Variants in MGA observed in about 807,000 individuals in gnomAD.
The protein encoded by MGA is MAX dimerization protein MGA.
In MGA, 40 loss-of-function variants were observed where a neutral mutation model predicts 261.1. The ratio of observed to expected loss-of-function variants is 0.15; its 90% CI spans 0.12 to 0.20. The LOEUF (loss-of-function observed/expected upper bound fraction) is 0.20. Among genes scored for constraint, MGA ranks in the 10% least tolerant of loss-of-function variants. MGA has a pLI of 1.00. For missense variants in MGA, 3,397 were observed against 3,630.5 expected, an observed-to-expected ratio of 0.94 and a Z score of 1.65; for synonymous variants, 1,302 against 1,290.6, an observed-to-expected ratio of 1.01 and a Z score of -0.19.
intron 1 of MGA, among the ~76,000 whole-genome samples, chr15:41,661,283 T>C (rs919011911): frequency 2.0e-5 from 3 of 152,108 alleles, no homozygotes; most frequent in African/African-American, 7.2e-5. Flanking sequence ...TTCTGTTAAA[T>C]GGTCAAGTAG....
rs1555419079 is a variant in MGA, at chr15:41,703,371, C to CCG, written c.2188+4213_2188+4214insGC. ...TCAGTTTATTCATTGTGAAGTTACC[C>CCG]CCCCCCCCACTCCCCACCCTCCCTT... On this transcript the variant is annotated intron_variant, in intron 5 of 23. Coordinates refer to ENST00000219905, the MANE Select transcript of MGA (RefSeq NM_001164273.2). 6.0e-5 allele frequency among the ~76,000 whole-genome samples: 8 copies of CCG among 134,018 alleles called. 1 individual carries two copies. Among genetic ancestry groups the CCG allele is most frequent in the African/African-American group, 1.1e-4 (4 of 37,436 alleles). The allele number at this position is 134,018 out of a possible 152,430, so 87.9% of individuals were successfully genotyped here. A position where few individuals can be genotyped will look rare whatever the true frequency, so the allele number is the denominator to read the frequency against.
chr15:41,762,901 A>G (rs915364291), intron 22 of MGA, among the ~76,000 whole-genome samples: 1 of 152,150 alleles, frequency 6.6e-6, no homozygotes, highest in African/African-American at 2.4e-5. Context: ...TCCTGGTAGC[A>G]TATTAGTCTA....
chr15:41,625,862 A>G (rs957254553), intron 1 of MGA, among the ~76,000 whole-genome samples: 2 of 152,318 alleles, frequency 1.3e-5, no homozygotes, highest in Middle Eastern at 3.4e-3. Flanking sequence ...ATGTGATCAC[A>G]TTTTTGTAGA....
intron 1 of MGA, among the ~76,000 whole-genome samples, chr15:41,654,142 T>C (rs2057120864): frequency 6.6e-6 from 1 of 152,206 alleles, no homozygotes; most frequent in African/African-American, 2.4e-5. Context: ...TGACTTATAC[T>C]CCATCACAGT....
Position 41,742,954 on chromosome 15 carries a change from G to C in MGA, c.4994G>C (p.Gly1665Ala). ...ACTGTGAACCTTACCAAAACCACTGGGATAACTACCCCTGTGGCTTCAGTT... is the reference window on the plus strand; with the variant it reads ...ACTGTGAACCTTACCAAAACCACTGCGATAACTACCCCTGTGGCTTCAGTT... Residue 1665 changes from glycine (G) to alanine (A), a missense_variant, in exon 15 of 24, where the codon GGG becomes GCG. By Grantham distance (60) the Gly-to-Ala change is moderately conservative. Around this residue, in one of 9 missense-constraint regions of MGA, gnomAD observed 1,410 missense variants for 1,386.4 expected, o/e 1.02. Coordinates refer to ENST00000219905, the MANE Select transcript of MGA (RefSeq NM_001164273.2). The C allele has an allele frequency of 6.2e-7, 1 of 1,613,908 alleles. No homozygotes were observed. Among genetic ancestry groups the C allele is most frequent in the Non-Finnish European group, 8.5e-7 (1 of 1,179,870 alleles).
chr15:41,687,769 C>G (rs1163981517), intron 2 of MGA, among the ~76,000 whole-genome samples: 1 of 152,062 alleles, frequency 6.6e-6, no homozygotes. Flanking sequence ...TTCATGTATA[C>G]TTGAAAAGGA....
chr15:41,689,099 A>G (rs1235962880), intron 2 of MGA, among the ~76,000 whole-genome samples: 1 of 152,218 alleles, frequency 6.6e-6, no homozygotes, highest in African/African-American at 2.4e-5. Flanking sequence ...TAGCAGTGTT[A>G]TATGGATTAC....
chr15:41,765,987 T>A lies in MGA; in HGVS notation c.7922-17T>A. On this transcript the variant is annotated splice_polypyrimidine_tract_variant and intron_variant, in intron 23 of 23. Transcript: ENST00000219905. ...AGATCTAAATGAATTTTTCTTTTTT[T>A]AATTTTTGTTTTTCAGAAAATGACG... is the stretch of plus-strand genomic sequence containing the variant. The A allele has an allele frequency of 6.3e-7, 1 of 1,595,264 alleles. No individual in the cohort carries two copies. Among genetic ancestry groups the A allele is most frequent in the Non-Finnish European group, 8.5e-7 (1 of 1,171,070 alleles).
chr15:41,756,515 T>TA (rs2063157238), intron 18 of MGA, among the ~76,000 whole-genome samples: 1 of 152,194 alleles, frequency 6.6e-6, no homozygotes, highest in South Asian at 2.1e-4. Flanking sequence ...AAGGTGTGCA[T>TA]ATCTTTCCTC....
At chr15:41,711,702 T>C (rs531601907) in intron 8 of MGA, among the ~76,000 whole-genome samples, 1 of 152,284 alleles carries the variant, frequency 6.6e-6, no homozygotes, top group South Asian at 2.1e-4. Flanking sequence ...GTGCTTTTAT[T>C]TTTTATTTTT....
rs1464605226 is a variant in MGA, at chr15:41,748,932, A to G, written c.5503+5A>G. 1 of 1,611,042 alleles carries G rather than the reference A, an allele frequency of 6.2e-7. No homozygotes were observed. The highest frequency in any genetic ancestry group is 1.1e-5 in the South Asian group (1 of 90,622). On this transcript the variant is annotated splice_donor_5th_base_variant and intron_variant, in intron 16 of 23. Transcript: ENST00000219905. ...CTGTCATGTTTCGGAACCCAGGTAT[A>G]AAGTTCTTTTTTATGAACTTTTCTT...
upstream of MGA, among the ~76,000 whole-genome samples, chr15:41,656,377 T>A (rs62003899): frequency 0.011 from 757 of 67,844 alleles, 16 homozygotes; most frequent in East Asian, 0.025. Context: ...TCTCTCTCTC[T>A]CACACCCAGG....
chr15:41,678,137 C>T (rs2058480049), intron 2 of MGA, among the ~76,000 whole-genome samples: 2 of 149,420 alleles, frequency 1.3e-5, no homozygotes, highest in African/African-American at 4.9e-5. Context: ...GTCACCCAGG[C>T]TGGAGTGCAG....
intron 1 of MGA, among the ~76,000 whole-genome samples, chr15:41,662,181 C>T (rs2057453912): frequency 6.6e-6 from 1 of 152,132 alleles, no homozygotes; most frequent in Non-Finnish European, 1.5e-5. Context: ...TTACAGAAAA[C>T]ACAGGCTAAA....
chr15:41,723,198 A>G (rs1487446151), intron 9 of MGA, among the ~76,000 whole-genome samples: 1 of 152,128 alleles, frequency 6.6e-6, no homozygotes, highest in Non-Finnish European at 1.5e-5. Context: ...TTTCAGGGAA[A>G]GAGTAGGAGA....
chr15:41,666,771 T>C (rs1004065680), intron 1 of MGA, among the ~76,000 whole-genome samples: 1 of 152,218 alleles, frequency 6.6e-6, no homozygotes, highest in Admixed American at 6.5e-5. Flanking sequence ...TAAGGACTTC[T>C]CTCTTCCTGT....
rs370854049 is a variant in MGA, at chr15:41,739,942, T to C, written c.4435-111T>C. 9.2e-5 allele frequency: 149 copies of C among 1,612,498 alleles called. 1 individual carries two copies. The highest frequency in any genetic ancestry group is 1.2e-4 in the Non-Finnish European group (136 of 1,179,422). ...GAGTTACCCGCAGGCTAAGTTGCTA[T>C]TGGGACAGATGGGGGCATTGCATCC... On this transcript the variant is annotated intron_variant, in intron 13 of 23. Transcript: ENST00000219905.
At position 41,636,279 on chromosome 15, in the gene MGA, A is replaced by C. The variant is rs1311054123; in HGVS notation, c.-68+14981A>C. On this transcript the variant is annotated intron_variant, in intron 1 of 8. Transcript: ENST00000566718. The stretch of plus-strand genomic sequence containing the variant: ...TCAACCTCTTGACCATGCCAGACTA[A>C]ATTTTTTATTTTATTTTATTTTATT... 3.3e-5 allele frequency among the ~76,000 whole-genome samples: 5 copies of C among 150,310 alleles called. No individual in the cohort carries two copies. The East Asian group carries it at 7.9e-4, about 24-fold the overall frequency.
chr15:41,713,348 C>T lies in MGA; in HGVS notation c.3282C>T (p.Ser1094=), dbSNP rs1163380712. ...AAGTTGTACTTGTTAAAGGAGGATC[C>T]AAAACTAAGCATTTTCAGAGGAAGG... The change falls in exon 9 of 24, where the codon TCC becomes TCT. Residue 1094 remains serine, a synonymous_variant. Transcript: ENST00000219905. 6.2e-7 allele frequency: 1 copy of T among 1,613,576 alleles called. No homozygotes were observed. Among genetic ancestry groups the T allele is most frequent in the Non-Finnish European group, 8.5e-7 (1 of 1,179,828 alleles).
Sources: allele counts gnomAD v4.1 joint callset (sites outside exome capture counted in the v4.1 genomes callset), GRCh38; gene constraint gnomAD v4.1.1; regional missense constraint gnomAD v4.1.1; transcripts MANE v1.5; gene names NCBI Gene and HGNC (gene_info 2026-07-23, HGNC 2026-07-21).